The following EFR3A variants were observed in gnomAD, a reference collection of about 807,000 sequenced individuals.
The protein encoded by EFR3A is EFR3 homolog A.
A neutral mutation model predicts 104.4 loss-of-function variants in EFR3A; 76 were observed. The observed-to-expected ratio is 0.73, with a 90% CI of 0.60 to 0.88. The LOEUF is 0.88. Ranked by LOEUF, EFR3A falls within the 40% of genes least tolerant of loss-of-function variation. The pLI, the probability that EFR3A is intolerant of heterozygous loss-of-function variation, is 0.00. For synonymous variants in EFR3A, 330 were observed against 330.0 expected, an observed-to-expected ratio of 1.00 and a Z score of 0.00; for missense variants, 985 against 1,012.5, an observed-to-expected ratio of 0.97 and a Z score of 0.37.
chr8:131,938,328 AT>A, intron 1 of EFR3A: 1 of 397,626 alleles, frequency 2.5e-6, no homozygotes, highest in East Asian at 3.6e-5. Context: ...AGGTCCAATG[AT>A]TTTATTTTAC....
rs536766867 is a variant in EFR3A at position 131,945,032 on chromosome 8, A to G, written c.215+160A>G. Among the ~76,000 whole-genome samples, 14 of 152,188 alleles carry G rather than the reference A, an allele frequency of 9.2e-5. No individual in the cohort carries two copies. The East Asian group carries it at 1.7e-3, about 19-fold the overall frequency. On this transcript the variant is annotated intron_variant, in intron 3 of 22. Coordinates refer to ENST00000254624, the MANE Select transcript of EFR3A (RefSeq NM_015137.6). ...AAAGAAATATATAATACTCCAATAG[A>G]TGCTGTGGCTTTTATTACTTTCCTG...
intron 9 of EFR3A, 30 bp from the exon 10 acceptor site, chr8:131,970,446 G>C (rs1819983905): frequency 6.2e-7 from 1 of 1,600,462 alleles, no homozygotes; most frequent in Non-Finnish European, 8.5e-7. Context: ...CTAGAAACAT[G>C]TATCTTCTCA....
At chr8:131,993,560 T>G (rs1469704213) in intron 18 of EFR3A, among the ~76,000 whole-genome samples, 2 of 152,100 alleles carry the variant, frequency 1.3e-5, no homozygotes, top group African/African-American at 4.8e-5. Context: ...CTTTGCCCCT[T>G]CAGGAAAGTA....
Position 131,971,911 on chromosome 8 carries a change from CGG to C in EFR3A, c.1159+1269_1159+1270del, listed in dbSNP as rs1820076121. On this transcript the variant is annotated intron_variant, in intron 10 of 22. Transcript: ENST00000254624. ...TCTGAGAAGACACTTTCAGATCATGCGGATATTCTGCTTTTCATCCAGACTTA... is the reference window on the plus strand; with the variant it reads ...TCTGAGAAGACACTTTCAGATCATGCATATTCTGCTTTTCATCCAGACTTA... Among the ~76,000 whole-genome samples, 9 of 152,178 alleles carry C rather than the reference CGG, an allele frequency of 5.9e-5. 1 individual carries two copies. Among genetic ancestry groups the C allele is most frequent in the African/African-American group, 7.2e-5 (3 of 41,522 alleles).
chr8:132,010,660 A>G (rs1822297301), intron 22 of EFR3A, 130 bp from the exon 23 acceptor site: 2 of 1,091,450 alleles, frequency 1.8e-6, no homozygotes, highest in Non-Finnish European at 2.6e-6. Context: ...GCTGGCCAGT[A>G]ACTACAATGG....
intron 1 of EFR3A, among the ~76,000 whole-genome samples, chr8:131,913,528 C>T (rs1425215063): frequency 6.6e-6 from 1 of 151,804 alleles, no homozygotes; most frequent in Non-Finnish European, 1.5e-5. Context: ...GGCATTAAGC[C>T]ATTTGCTTTA....
At chr8:131,974,603 C>T (rs1202794790) in intron 10 of EFR3A, among the ~76,000 whole-genome samples, 1 of 152,048 alleles carries the variant, frequency 6.6e-6, no homozygotes, top group Non-Finnish European at 1.5e-5. Context: ...ATCCTCATTT[C>T]CATAAGAGGA....
intron 10 of EFR3A, 73 bp from the exon 11 acceptor site, chr8:131,975,954 C>A: frequency 1.1e-6 from 1 of 920,154 alleles, no homozygotes; most frequent in Non-Finnish European, 1.7e-6. Flanking sequence ...AAAACTTTGG[C>A]TAAAAATAAT....
At chr8:131,943,178 A>G (rs1026445496) in intron 2 of EFR3A, among the ~76,000 whole-genome samples, 2 of 152,080 alleles carry the variant, frequency 1.3e-5, no homozygotes, top group Non-Finnish European at 2.9e-5. Context: ...AAGTATCTGC[A>G]AATATTCCAA....
At chr8:131,921,511 G>GTA (rs1228781113) in intron 1 of EFR3A, among the ~76,000 whole-genome samples, 3 of 152,048 alleles carry the variant, frequency 2.0e-5, no homozygotes, top group African/African-American at 7.2e-5. Flanking sequence ...CATAACAGAG[G>GTA]TATATCAGAC....
At chr8:131,983,588 G>A (rs1324161466) in intron 14 of EFR3A, among the ~76,000 whole-genome samples, 1 of 151,792 alleles carries the variant, frequency 6.6e-6, no homozygotes, top group East Asian at 1.9e-4. Context: ...CAATACCTGG[G>A]GAGTTTCTAT....
intron 17 of EFR3A, 64 bp downstream of exon 17, chr8:131,986,325 A>G (rs1034679026): frequency 5.2e-6 from 4 of 773,586 alleles, no homozygotes; most frequent in Non-Finnish European, 8.4e-6. Context: ...AGTAATAATT[A>G]TAAAGGAGTA....
intron 22 of EFR3A, among the ~76,000 whole-genome samples, chr8:132,007,214 G>T (rs1255608791): frequency 2.6e-5 from 4 of 151,802 alleles, no homozygotes; most frequent in African/African-American, 9.7e-5. Flanking sequence ...AGATGACATG[G>T]TTGTGTATGT....
intron 17 of EFR3A, among the ~76,000 whole-genome samples, chr8:131,986,839 A>G (rs1820912565): frequency 6.6e-6 from 1 of 151,784 alleles, no homozygotes; most frequent in Non-Finnish European, 1.5e-5. Context: ...CTTTTTAAAA[A>G]CTGTTGGATA....
Position 132,003,121 on chromosome 8 carries a change from ATAAT to A in EFR3A, c.2311-110_2311-107del, listed in dbSNP as rs1821868782. ...AAAACTTTAAAGCATTGTGTACTTA[ATAAT>A]TAATCAGCTTAATAGTCACAATTAT... On this transcript the variant is annotated intron_variant, in intron 21 of 22. Coordinates refer to ENST00000254624, the MANE Select transcript of EFR3A (RefSeq NM_015137.6). 6 of 808,560 alleles carry A rather than the reference ATAAT, an allele frequency of 7.4e-6. No individual in the cohort carries two copies. In the South Asian group the frequency reaches 1.1e-4, roughly 14 times the overall value. 50.1% of individuals were successfully genotyped at this position (808,560 alleles called of 1,614,324 possible). A position where few individuals can be genotyped will look rare whatever the true frequency, so the allele number is the denominator to read the frequency against.
At chr8:131,989,684 A>G (rs919740420) in intron 18 of EFR3A, among the ~76,000 whole-genome samples, 3 of 152,214 alleles carry the variant, frequency 2.0e-5, no homozygotes, top group East Asian at 1.9e-4. Context: ...AGTGCCTACA[A>G]TGTAATATAT....
intron 1 of EFR3A, among the ~76,000 whole-genome samples, chr8:131,928,091 T>C (rs1433140109): frequency 6.6e-6 from 1 of 152,212 alleles, no homozygotes; most frequent in Non-Finnish European, 1.5e-5. Flanking sequence ...CTTGAAGACA[T>C]ACATGTTGCA....
intron 19 of EFR3A, among the ~76,000 whole-genome samples, chr8:131,998,015 A>G (rs998030228): frequency 1.3e-5 from 2 of 151,990 alleles, no homozygotes; most frequent in Non-Finnish European, 2.9e-5. Context: ...GTTGTTTTTC[A>G]TTTACTATAA....
At chr8:131,978,797 A>G (rs760812289) in intron 12 of EFR3A, 50 bp from the exon 13 acceptor site, 2 of 1,329,940 alleles carry the variant, frequency 1.5e-6, no homozygotes, top group Non-Finnish European at 2.0e-6. Context: ...AGAATTTTAC[A>G]AAAAAAGGAC....
Sources: gnomAD v4.1 joint callset for allele counts (sites outside exome capture counted in the v4.1 genomes callset) on GRCh38, gnomAD v4.1.1 for gene constraint, MANE v1.5 for transcripts, NCBI Gene and HGNC (gene_info 2026-07-23, HGNC 2026-07-21) for gene names.